GBF1: variants seen among roughly 807,000 people sequenced by gnomAD.
The protein encoded by GBF1 is Golgi-specific brefeldin A-resistance guanine nucleotide exchange factor 1.
In GBF1, 114 loss-of-function variants were observed where a neutral mutation model predicts 210.5. The ratio of observed to expected loss-of-function variants is 0.54; its 90% CI spans 0.47 to 0.63. The LOEUF (loss-of-function observed/expected upper bound fraction) is 0.63. GBF1 is among the 30% of genes least tolerant of loss of function. The pLI, the probability that GBF1 is intolerant of heterozygous loss-of-function variation, is 0.00. For synonymous variants in GBF1, 850 were observed against 889.2 expected (o/e 0.96, Z 0.78); for missense variants, 1,851 against 2,357.7 (o/e 0.79, Z 4.45).
At chr10:102,297,060 A>G (rs1269407034) in intron 3 of GBF1, among the ~76,000 whole-genome samples, 2 of 151,830 alleles carry the variant, frequency 1.3e-5, no homozygotes. Flanking sequence ...AAAAAAGGAA[A>G]AAAAAGGTAA....
At chr10:102,375,665 G>A in intron 30 of GBF1, 81 bp downstream of exon 30, 2 of 875,036 alleles carry the variant, frequency 2.3e-6, no homozygotes, top group Non-Finnish European at 3.7e-6. Context: ...CAAAACACAG[G>A]TTACTGTGTT....
chr10:102,304,632 A>G (rs1442115674), intron 3 of GBF1, among the ~76,000 whole-genome samples: 1 of 151,994 alleles, frequency 6.6e-6, no homozygotes, highest in East Asian at 1.9e-4. Flanking sequence ...AAAATTAGCC[A>G]GGTGCGGTGG....
intron 3 of GBF1, among the ~76,000 whole-genome samples, chr10:102,293,771 G>GTTTTTTTTTTTTTTTTTTTT (rs56722082): frequency 4.4e-5 from 1 of 22,906 alleles, no homozygotes; most frequent in African/African-American, 2.2e-4. Context: ...TATGTTTTGT[G>GTTTTTTTTTTTTTTTTTTTT]TTTTTTTTTT....
chr10:102,298,896 G>A (rs2077118049), intron 3 of GBF1, among the ~76,000 whole-genome samples: 1 of 152,094 alleles, frequency 6.6e-6, no homozygotes, highest in Non-Finnish European at 1.5e-5. Flanking sequence ...CTCATTTTTG[G>A]TAAATATGAA....
chr10:102,230,973 G>A, the GBF1 span: 1 of 1,607,484 alleles, frequency 6.2e-7, no homozygotes, highest in Non-Finnish European at 8.5e-7. Flanking sequence ...CGTACGAGTA[G>A]CCGGGGTACA....
At position 102,363,541 on chromosome 10, in the gene GBF1, A is replaced by G. The variant is rs1020401201; in HGVS notation, c.2017+145A>G. The stretch of plus-strand genomic sequence containing the variant: ...CAGACTCAGAGAGAGGGAAGCAAAC[A>G]TATGGACCCTCAGTTGATAGGACTT... On this transcript the variant is annotated intron_variant, in intron 16 of 39. Transcript: ENST00000369983. This position sits in a 1 kb window ranked among gnomAD's most constrained non-coding sequence, Gnocchi z 4.2. The G allele has an allele frequency of 5.7e-6, 5 of 876,192 alleles. No individual in the cohort carries two copies. Among genetic ancestry groups the G allele is most frequent in the African/African-American group, 5.0e-5 (3 of 59,422 alleles). 54.3% of individuals were successfully genotyped at this position (876,192 alleles called of 1,614,324 possible). A position where few individuals can be genotyped will look rare whatever the true frequency, so the allele number is the denominator to read the frequency against.
At chr10:102,254,133 G>A (rs1257968897) in intron 1 of GBF1, among the ~76,000 whole-genome samples, 3 of 151,920 alleles carry the variant, frequency 2.0e-5, no homozygotes, top group African/African-American at 7.3e-5. Context: ...GTTGTCTTTT[G>A]AACAGGCATT....
At chr10:102,317,058 A>G (rs767752580) in intron 3 of GBF1, among the ~76,000 whole-genome samples, 6 of 152,224 alleles carry the variant, frequency 3.9e-5, no homozygotes, top group Non-Finnish European at 7.3e-5. Context: ...AAACTTAGTA[A>G]TAATAGTCTT....
the GBF1 span, among the ~76,000 whole-genome samples, chr10:102,236,752 C>T: frequency 2.0e-5 from 3 of 152,150 alleles, no homozygotes; most frequent in Admixed American, 2.0e-4. Context: ...AGCCCACAAT[C>T]GGTTGCAATA....
chr10:102,377,341 A>T (rs1468973705), intron 33 of GBF1, among the ~76,000 whole-genome samples: 1 of 69,780 alleles, frequency 1.4e-5, no homozygotes, highest in African/African-American at 3.7e-5. Context: ...ATTTATTTTT[A>T]TTTTTATTTA....
chr10:102,308,986 A>G (rs1025246966), intron 3 of GBF1, among the ~76,000 whole-genome samples: 1 of 152,200 alleles, frequency 6.6e-6, no homozygotes, highest in Non-Finnish European at 1.5e-5. Context: ...AGTTAGAATA[A>G]TGATTATCTT....
At chr10:102,343,971 A>C (rs1459224125) in intron 3 of GBF1, 80 bp from the exon 4 acceptor site, 8 of 1,167,750 alleles carry the variant, frequency 6.9e-6, no homozygotes, top group African/African-American at 1.5e-5. Flanking sequence ...CTCTAGCCTC[A>C]TGGCACAAAC....
intron 3 of GBF1, among the ~76,000 whole-genome samples, chr10:102,307,342 ATTT>A (rs1242628502): frequency 6.7e-6 from 1 of 150,096 alleles, no homozygotes; most frequent in East Asian, 2.0e-4. Flanking sequence ...CTGAGTTTGA[ATTT>A]TTTAACTACA....
In GBF1 at chr10:102,360,988, A is replaced by C. The variant is rs746785533; in HGVS notation, c.1393-34A>C. 16 of 1,163,080 alleles carry C rather than the reference A, an allele frequency of 1.4e-5. No homozygotes were observed. The Admixed American group carries it at 2.2e-4, about 16-fold the overall frequency. 72.0% of individuals were successfully genotyped at this position (1,163,080 alleles called of 1,614,324 possible). ...AAACTCCGCCTCAAAAAAAAAAAAA[A>C]AAAACTCATGGCCTACCCTGCTCTC... On this transcript the variant is annotated intron_variant, in intron 12 of 39. Transcript: ENST00000369983.
the GBF1 span, among the ~76,000 whole-genome samples, chr10:102,239,021 C>A: frequency 6.6e-6 from 1 of 152,318 alleles, no homozygotes; most frequent in East Asian, 1.9e-4. Context: ...GCCCCCTCAT[C>A]TCCAGTTTCA....
intron 3 of GBF1, among the ~76,000 whole-genome samples, chr10:102,270,633 C>T (rs1050139451): frequency 6.6e-6 from 1 of 152,112 alleles, no homozygotes; most frequent in Non-Finnish European, 1.5e-5. Context: ...AACATGTTGA[C>T]ATTTCACCCC....
intron 3 of GBF1, among the ~76,000 whole-genome samples, chr10:102,278,995 A>G (rs751711207): frequency 6.6e-5 from 10 of 152,318 alleles, no homozygotes; most frequent in Non-Finnish European, 8.8e-5. Flanking sequence ...CTTTCCCTCT[A>G]ATACCTAACA....
At chr10:102,319,454 GTTACTA>G (rs985095387) in intron 3 of GBF1, among the ~76,000 whole-genome samples, 3 of 152,032 alleles carry the variant, frequency 2.0e-5, no homozygotes, top group African/African-American at 7.2e-5. Context: ...GCTGTTTTCT[GTTACTA>G]TTACTGTTTC....
At chr10:102,269,524 A>T (rs545389890) in intron 3 of GBF1, among the ~76,000 whole-genome samples, 1 of 152,202 alleles carries the variant, frequency 6.6e-6, no homozygotes, top group Admixed American at 6.5e-5. Context: ...CTTCAGTGTT[A>T]TCTGGGATTG....
Sources: gnomAD v4.1 joint callset for allele counts (sites outside exome capture counted in the v4.1 genomes callset) on GRCh38, gnomAD v4.1.1 for gene constraint, Gnocchi (gnomAD v3.1) non-coding constraint, MANE v1.5 for transcripts, NCBI Gene and HGNC (gene_info 2026-07-23, HGNC 2026-07-21) for gene names.